Variants in PTPN9 observed in about 807,000 individuals in gnomAD.
PTPN9 encodes the protein tyrosine-protein phosphatase non-receptor type 9.
PTPN9 carries 26 observed loss-of-function variants against 69.8 expected under a neutral mutation model. The ratio of observed to expected loss-of-function variants is 0.37; its 90% CI spans 0.27 to 0.52. PTPN9 has a LOEUF of 0.52. PTPN9 is among the 20% of genes least tolerant of loss of function. PTPN9 has a pLI of 0.91. For missense variants in PTPN9, 549 were observed against 740.3 expected (o/e 0.74, Z 3.00); for synonymous variants, 274 against 272.5 (o/e 1.01, Z -0.05).
chr15:75,554,486 G>A (rs982092710), intron 1 of PTPN9, among the ~76,000 whole-genome samples: 5 of 151,666 alleles, frequency 3.3e-5, no homozygotes, highest in African/African-American at 7.3e-5. Context: ...GAGCCACCAC[G>A]CCTGGCCTTT....
rs183874296 is a variant in PTPN9 at position 75,477,399 on chromosome 15, A to C, written c.1129+2449T>G. On this transcript the variant is annotated intron_variant, in intron 9 of 12. Coordinates refer to ENST00000618819, the MANE Select transcript of PTPN9 (RefSeq NM_002833.4). ...CACTTCAGGCCGGGAGTTCGAGACC[A>C]GCCTAGGCAACATGGTGAAACCCTG... Among the ~76,000 whole-genome samples, 189 of 152,250 alleles carry C rather than the reference A, an allele frequency of 1.2e-3. 3 individuals are homozygous for C. The highest frequency in any genetic ancestry group is 0.011 in the Admixed American group (168 of 15,272).
At chr15:75,477,754 C>G (rs536538453) in intron 9 of PTPN9, among the ~76,000 whole-genome samples, 2 of 150,494 alleles carry the variant, frequency 1.3e-5, no homozygotes, top group African/African-American at 4.9e-5. Flanking sequence ...ACAATGTTGG[C>G]TAAAAAAAAT....
intron 7 of PTPN9, among the ~76,000 whole-genome samples, chr15:75,503,214 C>T (rs2074784144): frequency 1.3e-5 from 2 of 150,656 alleles, no homozygotes; most frequent in Admixed American, 6.6e-5. Flanking sequence ...CGGCAGCCAT[C>T]CCATCTGGGA....
intron 5 of PTPN9, among the ~76,000 whole-genome samples, chr15:75,516,249 A>G (rs2074868590): frequency 6.6e-6 from 1 of 151,728 alleles, no homozygotes; most frequent in Admixed American, 6.6e-5. Flanking sequence ...ATACATAATT[A>G]GATATCTTGG....
Position 75,578,754 on chromosome 15 carries a change from C to T in PTPN9, c.23G>A (p.Arg8Gln). Residue 8 changes from arginine (R) to glutamine (Q), a missense_variant, in exon 1 of 13, where the codon CGG becomes CAG. Coordinates refer to ENST00000618819, the MANE Select transcript of PTPN9 (RefSeq NM_002833.4). MEPATAP[R>Q]PDMAPELTPE... Reference sequence around the variant, plus strand: ...GGTCAGCTCCGGCGCCATGTCGGGCCGGGGCGCGGTCGCGGGCTCCATCCC... The same window carrying T: ...GGTCAGCTCCGGCGCCATGTCGGGCTGGGGCGCGGTCGCGGGCTCCATCCC... 1 of 1,297,428 alleles carries T rather than the reference C, an allele frequency of 7.7e-7. No homozygotes were observed. Among genetic ancestry groups the T allele is most frequent in the Non-Finnish European group, 9.8e-7 (1 of 1,023,892 alleles). 80.4% of individuals were successfully genotyped at this position (1,297,428 alleles called of 1,614,324 possible).
intron 1 of PTPN9, among the ~76,000 whole-genome samples, chr15:75,529,829 G>A (rs1035978057): frequency 6.6e-6 from 1 of 152,030 alleles, no homozygotes; most frequent in African/African-American, 2.4e-5. Context: ...AAAATTGCTT[G>A]AACCCAGGAT....
At chr15:75,496,138 C>CAAAAAAA (rs55642191) in intron 7 of PTPN9, among the ~76,000 whole-genome samples, 1 of 108,096 alleles carries the variant, frequency 9.3e-6, no homozygotes. Flanking sequence ...GAGCCTGTCT[C>CAAAAAAA]AAAAAAAAAA....
intron 1 of PTPN9, among the ~76,000 whole-genome samples, chr15:75,539,339 A>C (rs1383892413): frequency 6.8e-6 from 1 of 146,720 alleles, no homozygotes; most frequent in Non-Finnish European, 1.5e-5. Context: ...TTTGAGATGG[A>C]GTCTCGCACT....
intron 5 of PTPN9, among the ~76,000 whole-genome samples, chr15:75,510,366 C>G (rs1202144235): frequency 6.6e-6 from 1 of 152,130 alleles, no homozygotes; most frequent in Non-Finnish European, 1.5e-5. Flanking sequence ...CCACCTCAGG[C>G]TCCCAAGTAA....
chr15:75,573,805 A>G (rs540699402), intron 1 of PTPN9, among the ~76,000 whole-genome samples: 1 of 152,356 alleles, frequency 6.6e-6, no homozygotes, highest in Non-Finnish European at 1.5e-5. Context: ...AATCACACAA[A>G]TAAGTGTTAA....
chr15:75,569,073 G>A (rs2075138040), intron 1 of PTPN9, among the ~76,000 whole-genome samples: 1 of 152,166 alleles, frequency 6.6e-6, no homozygotes, highest in Admixed American at 6.6e-5. Context: ...GCATGGAGGT[G>A]TGCTTAGGGG....
intron 1 of PTPN9, among the ~76,000 whole-genome samples, chr15:75,567,050 C>CA (rs1295937170): frequency 6.7e-6 from 1 of 148,824 alleles, no homozygotes; most frequent in African/African-American, 2.5e-5. Flanking sequence ...CAATCTCACT[C>CA]TGTCGCCCAG....
intron 7 of PTPN9, among the ~76,000 whole-genome samples, chr15:75,505,195 A>C (rs1219508747): frequency 6.6e-6 from 1 of 150,402 alleles, no homozygotes; most frequent in Non-Finnish European, 1.5e-5. Flanking sequence ...TGCTGTGTCC[A>C]CTCAGGGTTA....
chr15:75,531,119 A>T (rs1291762614), intron 1 of PTPN9, among the ~76,000 whole-genome samples: 1 of 151,286 alleles, frequency 6.6e-6, no homozygotes, highest in Non-Finnish European at 1.5e-5. Flanking sequence ...ATAACAGAGC[A>T]TCTGATTCAT....
At chr15:75,527,378 A>G in intron 1 of PTPN9, 117 bp from the exon 2 acceptor site, 1 of 1,156,950 alleles carries the variant, frequency 8.6e-7, no homozygotes, top group South Asian at 1.5e-5. Flanking sequence ...CCAGTTTGCT[A>G]CAGGGAGCAG....
chr15:75,478,192 G>T (rs1207186691), intron 9 of PTPN9, among the ~76,000 whole-genome samples: 1 of 148,816 alleles, frequency 6.7e-6, no homozygotes, highest in Non-Finnish European at 1.5e-5. Context: ...TGCAACCTCC[G>T]CCTCCTGGGT....
At chr15:75,470,022 C>T (rs746773903) in intron 11 of PTPN9, 23 bp from the exon 12 acceptor site, 115 of 1,582,934 alleles carry the variant, frequency 7.3e-5, no homozygotes, top group African/African-American at 1.8e-4. Flanking sequence ...AAGAAGTAAA[C>T]GTTAACAAGG....
At chr15:75,506,230 C>T (rs748708815) in intron 6 of PTPN9, among the ~76,000 whole-genome samples, 7 of 152,106 alleles carry the variant, frequency 4.6e-5, no homozygotes, top group Non-Finnish European at 8.8e-5. Flanking sequence ...AAAATTCACT[C>T]CTGGAATTAG....
intron 1 of PTPN9, among the ~76,000 whole-genome samples, chr15:75,568,666 T>A (rs1213513074): frequency 7.0e-6 from 1 of 143,528 alleles, no homozygotes; most frequent in Non-Finnish European, 1.5e-5. Flanking sequence ...AATACCCCCA[T>A]CTCTTTAGAA....
Sources: gnomAD v4.1 joint callset for allele counts (sites outside exome capture counted in the v4.1 genomes callset) on GRCh38, gnomAD v4.1.1 for gene constraint, MANE v1.5 for transcripts, NCBI Gene and HGNC (gene_info 2026-07-23, HGNC 2026-07-21) for gene names.